Variants in ENTPD1 observed in about 807,000 individuals in gnomAD.
ENTPD1 encodes ATP diphosphohydrolase.
Under a neutral mutation model 57.0 loss-of-function variants are expected in ENTPD1, and 33 were observed. That is an observed-to-expected ratio of 0.58 (90% confidence interval 0.44 to 0.77). The LOEUF is 0.77. ENTPD1 is among the 30% of genes least tolerant of loss of function. The probability of loss-of-function intolerance (pLI) is 0.00; values close to 1 mark genes in which losing one functional copy is unlikely to be tolerated. For missense variants in ENTPD1, 501 were observed against 603.4 expected (o/e 0.83, Z 1.78); for synonymous variants, 202 against 218.8 (o/e 0.92, Z 0.68).
intron 1 of ENTPD1, among the ~76,000 whole-genome samples, chr10:95,774,648 TG>T (rs1265808533): frequency 6.6e-6 from 1 of 152,136 alleles, no homozygotes; most frequent in Non-Finnish European, 1.5e-5. Context: ...TGTAGATGTG[TG>T]GTGTTATTTC....
At position 95,866,286 on chromosome 10, in the gene ENTPD1, T is replaced by G; in HGVS notation, c.1436T>G (p.Phe479Cys). 1 of 1,614,204 alleles carries G rather than the reference T, an allele frequency of 6.2e-7. No homozygotes were observed. Among genetic ancestry groups the G allele is most frequent in the South Asian group, 1.1e-5 (1 of 91,084 alleles). The change falls in exon 10 of 10, where the codon TTC becomes TGC. Residue 479 changes from phenylalanine (F) to cysteine (C), a missense_variant. By Grantham distance (205) the Phe-to-Cys change is radical (BLOSUM62 -2). Coordinates refer to ENST00000371205, the MANE Select transcript of ENTPD1 (RefSeq NM_001776.6). ...STPLSHSTYV[F>C]LMVLFSLVLF... Reference sequence around the variant, plus strand: ...CCTCTCTCCCACTCCACCTATGTCTTCCTCATGGTTCTATTCTCCCTGGTC... The same window carrying G: ...CCTCTCTCCCACTCCACCTATGTCTGCCTCATGGTTCTATTCTCCCTGGTC...
rs2098483875 is a variant in ENTPD1, at chr10:95,874,565, G to A, written c.*8182G>A. 1.3e-5 allele frequency among the ~76,000 whole-genome samples: 2 copies of A among 152,066 alleles called. No homozygotes were observed. Among genetic ancestry groups the A allele is most frequent in the South Asian group, 4.1e-4 (2 of 4,826 alleles). On this transcript the variant is annotated 3_prime_UTR_variant, in exon 10 of 10. Transcript: ENST00000371205. ...TTGGTGGTTGATCTACCATTCTGGG[G>A]TCTACCATTCTGGGGTCTACCGTTC...
intron 1 of ENTPD1, among the ~76,000 whole-genome samples, chr10:95,797,371 G>A (rs961708321): frequency 6.6e-6 from 1 of 152,042 alleles, no homozygotes; most frequent in African/African-American, 2.4e-5. Context: ...TACAGATCAG[G>A]GAATCACGGC....
chr10:95,707,950 G>A (rs1156260142), upstream of ENTPD1, among the ~76,000 whole-genome samples: 1 of 152,010 alleles, frequency 6.6e-6, no homozygotes, highest in Non-Finnish European at 1.5e-5. Context: ...TTTGATTTAT[G>A]CGTTGTTCTG....
rs2098482932 is a variant in ENTPD1, at chr10:95,873,718, A to G, written c.*7335A>G. 2.0e-6 allele frequency: 2 copies of G among 980,930 alleles called. No homozygotes were observed. The highest frequency in any genetic ancestry group is 2.4e-6 in the Non-Finnish European group (2 of 825,836). The allele number at this position is 980,930 out of a possible 1,614,324, so 60.8% of individuals were successfully genotyped here. On this transcript the variant is annotated 3_prime_UTR_variant, in exon 10 of 10. Coordinates refer to ENST00000371205, the MANE Select transcript of ENTPD1 (RefSeq NM_001776.6). ...ACTATGATTGTATTAGTTCGTTTCC[A>G]TGCTGCTGATAAAGACATATCTGAG... is the stretch of plus-strand genomic sequence containing the variant.
At chr10:95,731,638 C>G (rs993908966) in intron 1 of ENTPD1, among the ~76,000 whole-genome samples, 2 of 152,048 alleles carry the variant, frequency 1.3e-5, no homozygotes, top group Non-Finnish European at 2.9e-5. Context: ...TTTCTGTTCC[C>G]CTGAGTTGGA....
chr10:95,867,411 T>C lies in ENTPD1; in HGVS notation c.*1028T>C. 1.0e-6 allele frequency: 1 copy of C among 985,452 alleles called. No homozygotes were observed. Among genetic ancestry groups the C allele is most frequent in the Non-Finnish European group, 1.2e-6 (1 of 829,922 alleles). The allele number at this position is 985,452 out of a possible 1,614,324, so 61.0% of individuals were successfully genotyped here. A position where few individuals can be genotyped will look rare whatever the true frequency, so the allele number is the denominator to read the frequency against. On this transcript the variant is annotated 3_prime_UTR_variant, in exon 10 of 10. Coordinates refer to ENST00000371205, the MANE Select transcript of ENTPD1 (RefSeq NM_001776.6). ...ACCATAGATCTTTTGTGTTTACAGCTATGGAAACCAACTGTACCATAAAGA... is the reference window on the plus strand; with the variant it reads ...ACCATAGATCTTTTGTGTTTACAGCCATGGAAACCAACTGTACCATAAAGA...
At position 95,869,292 on chromosome 10, in the gene ENTPD1, C is replaced by G. The variant is rs1335448431; in HGVS notation, c.*2909C>G. 1.1e-6 allele frequency: 1 copy of G among 944,448 alleles called. No individual in the cohort carries two copies. Among genetic ancestry groups the G allele is most frequent in the African/African-American group, 2.0e-5 (1 of 50,958 alleles). 58.5% of individuals were successfully genotyped at this position (944,448 alleles called of 1,614,324 possible). On this transcript the variant is annotated 3_prime_UTR_variant, in exon 10 of 10. Transcript: ENST00000371205. ...TGAGAGAGAGTCTCACTCCATTGCCCAGGCTGGAGTGCAGTGGTGCTATCT... is the reference window on the plus strand; with the variant it reads ...TGAGAGAGAGTCTCACTCCATTGCCGAGGCTGGAGTGCAGTGGTGCTATCT...
intron 1 of ENTPD1, among the ~76,000 whole-genome samples, chr10:95,737,226 G>A (rs1479842248): frequency 6.6e-6 from 1 of 151,994 alleles, no homozygotes; most frequent in African/African-American, 2.4e-5. Flanking sequence ...CTCGTCTAGT[G>A]GGGGAGTAAG....
In ENTPD1 at chr10:95,770,868, T is replaced by A. The variant is rs2098113621; in HGVS notation, c.16+14613T>A. Reference sequence around the variant, plus strand: ...TAGAAGAGACTTAAATATCCTCAAATCTCTTAATTAAAATGAAATCAATTG... The same window carrying A: ...TAGAAGAGACTTAAATATCCTCAAAACTCTTAATTAAAATGAAATCAATTG... On this transcript the variant is annotated intron_variant, in intron 1 of 9. Transcript: ENST00000371205. Among the ~76,000 whole-genome samples, 5 of 152,154 alleles carry A rather than the reference T, an allele frequency of 3.3e-5. No individual in the cohort carries two copies. In the South Asian group the frequency reaches 1.0e-3, roughly 31 times the overall value.
At chr10:95,835,224 G>C (rs2098406859) in intron 2 of ENTPD1, among the ~76,000 whole-genome samples, 1 of 152,138 alleles carries the variant, frequency 6.6e-6, no homozygotes. Context: ...ATTCGCTTAG[G>C]GTAGTGGCCT....
At chr10:95,712,813 T>A (rs4918960) in intron 1 of ENTPD1, among the ~76,000 whole-genome samples, 67,654 of 151,786 alleles carry the variant, frequency 0.45, 15,445 homozygotes, top group East Asian at 0.7. Flanking sequence ...GGTGGGCAGA[T>A]CATGAGGTCA....
At chr10:95,789,739 C>T (rs1236356784) in intron 1 of ENTPD1, among the ~76,000 whole-genome samples, 1 of 152,046 alleles carries the variant, frequency 6.6e-6, no homozygotes, top group African/African-American at 2.4e-5. Context: ...AATTACAGAC[C>T]ATGCATGACA....
At chr10:95,698,735 G>C in the ENTPD1 span, among the ~76,000 whole-genome samples, 1 of 152,206 alleles carries the variant, frequency 6.6e-6, no homozygotes, top group Non-Finnish European at 1.5e-5. Flanking sequence ...GACTTCCCAG[G>C]CTTCATAACT....
chr10:95,788,642 C>T (rs1010662557), intron 1 of ENTPD1, among the ~76,000 whole-genome samples: 8 of 151,330 alleles, frequency 5.3e-5, no homozygotes, highest in East Asian at 1.9e-4. Context: ...AAGAAAAAAG[C>T]GAGTCTAAAA....
At chr10:95,763,140 G>A (rs890646701) in intron 1 of ENTPD1, among the ~76,000 whole-genome samples, 2 of 151,828 alleles carry the variant, frequency 1.3e-5, no homozygotes, top group Non-Finnish European at 2.9e-5. Context: ...GCCCAGGCTG[G>A]TCTCAAACTC....
the ENTPD1 span, among the ~76,000 whole-genome samples, chr10:95,705,611 C>T: frequency 6.6e-6 from 1 of 152,200 alleles, no homozygotes; most frequent in Non-Finnish European, 1.5e-5. Flanking sequence ...CCTGCCTCAG[C>T]CTCCTGAGTA....
chr10:95,847,041 A>C (rs562153444), intron 6 of ENTPD1, among the ~76,000 whole-genome samples: 1 of 152,076 alleles, frequency 6.6e-6, no homozygotes, highest in African/African-American at 2.4e-5. Flanking sequence ...AAGAAAAAAA[A>C]TTTTTTTAAT....
intron 8 of ENTPD1, among the ~76,000 whole-genome samples, chr10:95,862,316 A>G (rs948379444): frequency 5.9e-5 from 9 of 152,190 alleles, no homozygotes; most frequent in African/African-American, 2.2e-4. Context: ...TAGAAAGCAT[A>G]GTTTTGTCAA....
Sources: allele counts gnomAD v4.1 joint callset (sites outside exome capture counted in the v4.1 genomes callset), GRCh38; gene constraint gnomAD v4.1.1; transcripts MANE v1.5; gene names NCBI Gene and HGNC (gene_info 2026-07-23, HGNC 2026-07-21).